Variants in ALK observed in about 807,000 individuals in gnomAD.
ALK encodes the protein ALK receptor tyrosine kinase.
ALK carries 74 observed loss-of-function variants against 163.1 expected under a neutral mutation model. That is an observed-to-expected ratio of 0.45 (90% CI 0.38 to 0.55). The LOEUF (loss-of-function observed/expected upper bound fraction) is 0.55, where lower values mean the gene tolerates loss of function less well. Ranked by LOEUF, ALK falls within the 20% of genes least tolerant of loss-of-function variation. The pLI, the probability that ALK is intolerant of heterozygous loss-of-function variation, is 0.00. For missense variants in ALK, 2,063 were observed against 2,105.3 expected (o/e 0.98, Z 0.39); for synonymous variants, 960 against 843.2 (o/e 1.14, Z -2.40).
chr2:29,911,478 C>T (rs550150645), intron 1 of ALK, among the ~76,000 whole-genome samples: 1 of 152,294 alleles, frequency 6.6e-6, no homozygotes, highest in Admixed American at 6.5e-5. Context: ...TCTCTGCTGT[C>T]ATCTCTCAAG....
At chr2:29,557,635 C>T (rs6547945) in intron 3 of ALK, among the ~76,000 whole-genome samples, 141,920 of 152,208 alleles carry the variant, frequency 0.93, 66,603 homozygotes, top group Non-Finnish European at 0.98. Flanking sequence ...AAGAAATAGA[C>T]TGTAAGTACC....
chr2:29,512,036 A>C (rs1381952515), intron 4 of ALK, among the ~76,000 whole-genome samples: 1 of 13,518 alleles, frequency 7.4e-5, no homozygotes, highest in South Asian at 0.071. Flanking sequence ...GAATCTTTTG[A>C]ATATTTAAAA....
intron 4 of ALK, among the ~76,000 whole-genome samples, chr2:29,528,467 G>C (rs1196543610): frequency 6.6e-6 from 1 of 152,192 alleles, no homozygotes; most frequent in African/African-American, 2.4e-5. Flanking sequence ...AGCGATCTTA[G>C]CTCAGCCTCT....
chr2:29,831,044 A>G (rs1485247614), intron 1 of ALK, among the ~76,000 whole-genome samples: 2 of 60,354 alleles, frequency 3.3e-5, no homozygotes, highest in Non-Finnish European at 6.5e-5. Flanking sequence ...GAGGAGGAGG[A>G]GAAGGAGAAG....
At chr2:29,643,294 G>A (rs1054718788) in intron 3 of ALK, among the ~76,000 whole-genome samples, 2 of 152,142 alleles carry the variant, frequency 1.3e-5, no homozygotes. Context: ...ATCTGCAAAG[G>A]CAAACTGGTT....
chr2:29,872,628 A>C (rs1471404344), intron 1 of ALK, among the ~76,000 whole-genome samples: 1 of 152,196 alleles, frequency 6.6e-6, no homozygotes, highest in African/African-American at 2.4e-5. Context: ...AAAGGGTATC[A>C]TACTGCATAT....
At chr2:29,817,364 G>C (rs532869250) in intron 1 of ALK, among the ~76,000 whole-genome samples, 298 of 152,294 alleles carry the variant, frequency 2.0e-3, no homozygotes, top group African/African-American at 6.3e-3. Flanking sequence ...TGGTTGGAGT[G>C]GGGGACAAGA....
At chr2:29,516,687 C>T (rs2148145456) in intron 4 of ALK, among the ~76,000 whole-genome samples, 1 of 152,328 alleles carries the variant, frequency 6.6e-6, no homozygotes, top group East Asian at 1.9e-4. Context: ...TGAACAAGTT[C>T]AGTCTCTTCA....
chr2:29,403,806 G>A (rs1457778449), intron 4 of ALK, among the ~76,000 whole-genome samples: 2 of 151,802 alleles, frequency 1.3e-5, no homozygotes, highest in Admixed American at 1.3e-4. Flanking sequence ...CAGCTACTGG[G>A]GAGGCTGAGG....
intron 3 of ALK, among the ~76,000 whole-genome samples, chr2:29,689,329 G>A (rs772950147): frequency 1.3e-5 from 2 of 152,234 alleles, no homozygotes; most frequent in Admixed American, 6.5e-5. Context: ...TGCAGTGACT[G>A]TGGGTGCAAA....
intron 9 of ALK, among the ~76,000 whole-genome samples, chr2:29,281,073 G>C (rs974575645): frequency 6.6e-6 from 1 of 150,806 alleles, no homozygotes; most frequent in Non-Finnish European, 1.5e-5. Flanking sequence ...AAAAGTTCTA[G>C]TATGTACCAG....
chr2:29,874,884 C>T (rs534639637), intron 1 of ALK, among the ~76,000 whole-genome samples: 16 of 152,314 alleles, frequency 1.1e-4, no homozygotes, highest in East Asian at 9.6e-4. Flanking sequence ...TTATCAGTCC[C>T]TACCTGTACT....
At chr2:29,286,892 C>CTA (rs1490893350) in intron 9 of ALK, 1 of 151,398 alleles carries the variant, frequency 6.6e-6, no homozygotes, top group African/African-American at 2.4e-5. Context: ...GACATGAGAG[C>CTA]TATATTCCTT....
intron 8 of ALK, among the ~76,000 whole-genome samples, chr2:29,298,537 C>G (rs1265744662): frequency 6.6e-6 from 1 of 152,096 alleles, no homozygotes; most frequent in Non-Finnish European, 1.5e-5. Flanking sequence ...GTCTCAATGC[C>G]CTGGATGTGA....
chr2:29,461,884 T>C (rs1404488066), intron 4 of ALK, among the ~76,000 whole-genome samples: 1 of 151,230 alleles, frequency 6.6e-6, no homozygotes, highest in Non-Finnish European at 1.5e-5. Flanking sequence ...GAAACTCTTC[T>C]GGAAAAAAAA....
intron 9 of ALK, among the ~76,000 whole-genome samples, chr2:29,282,988 T>C (rs1451365751): frequency 6.6e-6 from 1 of 152,168 alleles, no homozygotes; most frequent in Admixed American, 6.5e-5. Flanking sequence ...ATCTGTGTAG[T>C]GTATGTTGAG....
chr2:29,362,276 CTT>C (rs1668405400), intron 5 of ALK, among the ~76,000 whole-genome samples: 1 of 152,170 alleles, frequency 6.6e-6, no homozygotes, highest in African/African-American at 2.4e-5. Context: ...CCTTCCTTCT[CTT>C]TTTCCTTCCT....
At chr2:29,791,733 T>G (rs1328887216) in intron 1 of ALK, among the ~76,000 whole-genome samples, 11 of 152,160 alleles carry the variant, frequency 7.2e-5, no homozygotes, top group Admixed American at 7.2e-4. Context: ...GCTTTTGTAA[T>G]CTCATTCATT....
intron 3 of ALK, among the ~76,000 whole-genome samples, chr2:29,577,712 C>A (rs1427602126): frequency 3.3e-5 from 5 of 152,244 alleles, no homozygotes; most frequent in Admixed American, 1.3e-4. Context: ...ACATCTTTGT[C>A]TCCCAGATGG....
Sources: gnomAD v4.1 joint callset for allele counts (sites outside exome capture counted in the v4.1 genomes callset) on GRCh38, gnomAD v4.1.1 for gene constraint, MANE v1.5 for transcripts, NCBI Gene and HGNC (gene_info 2026-07-23, HGNC 2026-07-21) for gene names.